DCC: variants seen among roughly 807,000 people sequenced by gnomAD.
The protein encoded by DCC is DCC netrin 1 receptor.
In DCC, 58 loss-of-function variants were observed where a neutral mutation model predicts 172.5. The ratio of observed to expected loss-of-function variants is 0.34; its 90% CI spans 0.27 to 0.42. The LOEUF is 0.42. Among genes scored for constraint, DCC ranks in the 10% least tolerant of loss-of-function variants. DCC has a pLI of 1.00. For missense variants in DCC, 1,740 were observed against 1,791.0 expected, an observed-to-expected ratio of 0.97 and a Z score of 0.51; for synonymous variants, 709 against 644.5, an observed-to-expected ratio of 1.10 and a Z score of -1.52.
intron 13 of DCC, among the ~76,000 whole-genome samples, chr18:53,315,038 C>G (rs926632994): frequency 7.9e-5 from 12 of 152,112 alleles, no homozygotes; most frequent in South Asian, 6.2e-4. Flanking sequence ...TAGGTATACA[C>G]ATGCCGTGGT....
chr18:52,793,649 G>T (rs2037817779), intron 2 of DCC, among the ~76,000 whole-genome samples: 1 of 152,112 alleles, frequency 6.6e-6, no homozygotes, highest in East Asian at 1.9e-4. Context: ...GCTTAATGTA[G>T]TCTCATGTAT....
At chr18:52,560,956 T>C (rs1447214274) in intron 1 of DCC, among the ~76,000 whole-genome samples, 2 of 152,184 alleles carry the variant, frequency 1.3e-5, no homozygotes, top group African/African-American at 2.4e-5. Flanking sequence ...TTTCCTTACA[T>C]TATAATTTTA....
chr18:52,876,413 A>G (rs2039403636), intron 2 of DCC, among the ~76,000 whole-genome samples: 1 of 152,232 alleles, frequency 6.6e-6, no homozygotes, highest in Admixed American at 6.5e-5. Context: ...AAAGGCATAC[A>G]TTCTTCATAT....
chr18:53,003,825 T>C (rs2041604428), intron 5 of DCC, among the ~76,000 whole-genome samples: 1 of 152,148 alleles, frequency 6.6e-6, no homozygotes, highest in Non-Finnish European at 1.5e-5. Context: ...CACCTTCTGC[T>C]AAGGCATGCA....
At chr18:52,617,969 A>G (rs2034415300) in intron 1 of DCC, among the ~76,000 whole-genome samples, 2 of 152,170 alleles carry the variant, frequency 1.3e-5, no homozygotes, top group South Asian at 4.1e-4. Context: ...GAAACCTAAT[A>G]TGAGAAATAT....
At chr18:53,142,547 G>A (rs190171767) in intron 7 of DCC, among the ~76,000 whole-genome samples, 3 of 152,100 alleles carry the variant, frequency 2.0e-5, no homozygotes, top group East Asian at 3.9e-4. Context: ...AACCACATTA[G>A]CGCTGATCTT....
At chr18:52,605,992 A>T (rs2144826670) in intron 1 of DCC, among the ~76,000 whole-genome samples, 1 of 152,214 alleles carries the variant, frequency 6.6e-6, no homozygotes, top group African/African-American at 2.4e-5. Flanking sequence ...TACTACAAAG[A>T]ATGCAATCTT....
chr18:52,909,628 G>A (rs910925772), intron 3 of DCC, among the ~76,000 whole-genome samples: 1 of 152,228 alleles, frequency 6.6e-6, no homozygotes, highest in Non-Finnish European at 1.5e-5. Context: ...AGTAACTGAG[G>A]TCTATTAAAT....
At chr18:52,402,494 C>A (rs1356717066) in intron 1 of DCC, among the ~76,000 whole-genome samples, 2 of 152,016 alleles carry the variant, frequency 1.3e-5, no homozygotes, top group Non-Finnish European at 2.9e-5. Flanking sequence ...ACCCATCAAG[C>A]TGTGACTTGA....
intron 2 of DCC, among the ~76,000 whole-genome samples, chr18:52,845,162 C>T (rs1401050940): frequency 1.3e-5 from 2 of 152,242 alleles, no homozygotes; most frequent in East Asian, 3.9e-4. Context: ...AAAAGCAGCC[C>T]TTAGGAGAGA....
intron 1 of DCC, among the ~76,000 whole-genome samples, chr18:52,644,395 G>T (rs1365650193): frequency 6.6e-6 from 1 of 152,038 alleles, no homozygotes; most frequent in Non-Finnish European, 1.5e-5. Flanking sequence ...TGGCTAACAC[G>T]GTGAAACCCC....
intron 1 of DCC, among the ~76,000 whole-genome samples, chr18:52,701,367 T>C (rs1359113104): frequency 6.6e-6 from 1 of 152,210 alleles, no homozygotes. Context: ...GGGGCTTCTT[T>C]TCCTGTAAGC....
At chr18:52,586,158 T>C (rs544648427) in intron 1 of DCC, among the ~76,000 whole-genome samples, 1 of 151,280 alleles carries the variant, frequency 6.6e-6, no homozygotes, top group Non-Finnish European at 1.5e-5. Context: ...ATCAATAAAT[T>C]CTTATTGAAT....
At chr18:52,579,663 A>G (rs1470107620) in intron 1 of DCC, among the ~76,000 whole-genome samples, 1 of 152,200 alleles carries the variant, frequency 6.6e-6, no homozygotes, top group East Asian at 1.9e-4. Context: ...TTGAACTTGA[A>G]TCTTCAATCT....
intron 5 of DCC, among the ~76,000 whole-genome samples, chr18:53,047,276 ATAT>A (rs2042256436): frequency 2.2e-4 from 7 of 32,040 alleles, no homozygotes; most frequent in Non-Finnish European, 3.8e-4. Flanking sequence ...ATATATATAT[ATAT>A]ATATATATAA....
chr18:52,579,691 G>A (rs915482101), intron 1 of DCC, among the ~76,000 whole-genome samples: 44 of 152,158 alleles, frequency 2.9e-4, no homozygotes, highest in African/African-American at 1.0e-3. Context: ...GTTCTGCACT[G>A]CCTTTGTGTG....
intron 1 of DCC, among the ~76,000 whole-genome samples, chr18:52,699,707 C>G (rs1438217935): frequency 1.3e-5 from 2 of 152,098 alleles, no homozygotes; most frequent in African/African-American, 4.8e-5. Context: ...AAAGTTCATA[C>G]CTTTTTAACT....
At chr18:53,254,679 G>A (rs2056482003) in intron 12 of DCC, among the ~76,000 whole-genome samples, 1 of 151,954 alleles carries the variant, frequency 6.6e-6, no homozygotes, top group South Asian at 2.1e-4. Flanking sequence ...ATTAGCAGGT[G>A]CATTTAAAAT....
rs10633986 is a variant in DCC at position 52,494,264 on chromosome 18, A to ATGTGTGTGTGTGTGTGTGTGTGTG, written c.91+153392_91+153415dup. Reference sequence around the variant, plus strand: ...TGATTATGATATGGTATGGTTTGTGATGTGTGTGTGTGTGTGTGTGTGTGT... The same window carrying ATGTGTGTGTGTGTGTGTGTGTGTG: ...TGATTATGATATGGTATGGTTTGTGATGTGTGTGTGTGTGTGTGTGTGTGTGTGTGTGTGTGTGTGTGTGTGTGT... On this transcript the variant is annotated intron_variant, in intron 1 of 28. Coordinates refer to ENST00000442544, the MANE Select transcript of DCC (RefSeq NM_005215.4). Among the ~76,000 whole-genome samples, 17 of 147,536 alleles carry ATGTGTGTGTGTGTGTGTGTGTGTG rather than the reference A, an allele frequency of 1.2e-4. No homozygotes were observed. The South Asian group carries it at 1.3e-3, about 11-fold the overall frequency.
Sources: gnomAD v4.1 joint callset for allele counts (sites outside exome capture counted in the v4.1 genomes callset) on GRCh38, gnomAD v4.1.1 for gene constraint, MANE v1.5 for transcripts, NCBI Gene and HGNC (gene_info 2026-07-23, HGNC 2026-07-21) for gene names.